ENTPD6: variants seen among roughly 807,000 people sequenced by gnomAD.
The protein encoded by ENTPD6 is CD39 antigen-like 2.
ENTPD6 carries 46 observed loss-of-function variants against 61.5 expected under a neutral mutation model. The ratio of observed to expected loss-of-function variants is 0.75; its 90% CI spans 0.59 to 0.96. ENTPD6 has a LOEUF of 0.96. ENTPD6 is among the 40% of genes least tolerant of loss of function. The pLI, the probability that ENTPD6 is intolerant of heterozygous loss-of-function variation, is 0.00. For missense variants in ENTPD6, 612 were observed against 629.0 expected, an observed-to-expected ratio of 0.97 and a Z score of 0.29; for synonymous variants, 252 against 255.5, an observed-to-expected ratio of 0.99 and a Z score of 0.13.
chr20:25,205,939 G>A (rs916573387), intron 1 of ENTPD6, among the ~76,000 whole-genome samples: 3 of 152,244 alleles, frequency 2.0e-5, no homozygotes, highest in South Asian at 2.1e-4. Flanking sequence ...AGGTCGCTGC[G>A]GGCTTGCTCC....
At chr20:25,206,655 C>T (rs2091523693) in intron 2 of ENTPD6, 65 bp downstream of exon 2, 1 of 1,175,698 alleles carries the variant, frequency 8.5e-7, no homozygotes, top group Non-Finnish European at 1.3e-6. Context: ...AAGTAAATTG[C>T]CTGAATAGAA....
At chr20:25,196,615 AG>A (rs1234859235) in intron 1 of ENTPD6, among the ~76,000 whole-genome samples, 1 of 152,190 alleles carries the variant, frequency 6.6e-6, no homozygotes, top group Non-Finnish European at 1.5e-5. Context: ...CCTGTATTCC[AG>A]CCTTACCTGC....
intron 1 of ENTPD6, among the ~76,000 whole-genome samples, chr20:25,198,960 C>G (rs1473484459): frequency 6.6e-6 from 1 of 152,218 alleles, no homozygotes; most frequent in Non-Finnish European, 1.5e-5. Flanking sequence ...CCCAGATGAC[C>G]TGTTTCAGTT....
At chr20:25,213,981 A>G (rs1344829255) in intron 5 of ENTPD6, among the ~76,000 whole-genome samples, 1 of 152,200 alleles carries the variant, frequency 6.6e-6, no homozygotes, top group African/African-American at 2.4e-5. Context: ...TGGTGCCTTC[A>G]AGGGACTTGA....
intron 5 of ENTPD6, among the ~76,000 whole-genome samples, chr20:25,214,076 C>T (rs1201206315): frequency 1.3e-5 from 2 of 152,226 alleles, no homozygotes; most frequent in East Asian, 3.8e-4. Flanking sequence ...CATCCTGCTC[C>T]TGGTCCGATG....
At position 25,200,916 on chromosome 20, in the gene ENTPD6, C is replaced by G. The variant is rs1347893031; in HGVS notation, c.-16+5049C>G. 3.9e-5 allele frequency among the ~76,000 whole-genome samples: 6 copies of G among 151,982 alleles called. No homozygotes were observed. In the South Asian group the frequency reaches 1.2e-3, roughly 32 times the overall value. ...AGGTGTACAGTTAGGTTGTTTGAGC[C>G]CTTTCTTCTTTTCTAAAGCAAGTGT... On this transcript the variant is annotated intron_variant, in intron 1 of 14. Transcript: ENST00000376652.
At chr20:25,209,070 C>A (rs1253115457) in intron 3 of ENTPD6, among the ~76,000 whole-genome samples, 35 of 150,662 alleles carry the variant, frequency 2.3e-4, no homozygotes, top group Admixed American at 2.1e-3. Context: ...ATGCCCATCA[C>A]CACACCTGGC....
Position 25,224,163 on chromosome 20 carries a change from T to G in ENTPD6, c.1243+6T>G. 6.2e-7 allele frequency: 1 copy of G among 1,610,702 alleles called. No homozygotes were observed. Among genetic ancestry groups the G allele is most frequent in the Non-Finnish European group, 8.5e-7 (1 of 1,178,436 alleles). Reference sequence around the variant, plus strand: ...CGAGATCGCAGCCAAGTACGGTGAGTGATGCTGCAGGGGCCATCTCAGCAG... The same window carrying G: ...CGAGATCGCAGCCAAGTACGGTGAGGGATGCTGCAGGGGCCATCTCAGCAG... On this transcript the variant is annotated splice_donor_region_variant and intron_variant, in intron 13 of 14. Coordinates refer to ENST00000376652, the MANE Select transcript of ENTPD6 (RefSeq NM_001247.5).
At chr20:25,206,855 G>A in intron 2 of ENTPD6, among the ~76,000 whole-genome samples, 1 of 152,204 alleles carries the variant, frequency 6.6e-6, no homozygotes, top group Non-Finnish European at 1.5e-5. Context: ...GTGCGACCTT[G>A]AGCAGGCTGT....
chr20:25,208,332 G>C (rs1439674952), intron 3 of ENTPD6, among the ~76,000 whole-genome samples: 6 of 152,208 alleles, frequency 3.9e-5, no homozygotes, highest in Non-Finnish European at 1.5e-5. Flanking sequence ...TGTAATCCCA[G>C]CTATGTGGGA....
chr20:25,208,142 G>T (rs1404018634), intron 3 of ENTPD6, among the ~76,000 whole-genome samples: 4 of 152,192 alleles, frequency 2.6e-5, no homozygotes, highest in Admixed American at 6.5e-5. Flanking sequence ...AACCTGTGGG[G>T]TAGACACCAT....
At position 25,227,142 on chromosome 20, in the gene ENTPD6, C is replaced by G. The variant is rs1190520461; in HGVS notation, c.*1545C>G. ...GCTTGTGCCTGAAGCCCCCCCCAAC[C>G]AACTGTCACAGGAGGACAGGATCTG... On this transcript the variant is annotated 3_prime_UTR_variant, in exon 15 of 15. Transcript: ENST00000376652. Among the ~76,000 whole-genome samples the G allele has an allele frequency of 6.6e-6, 1 of 152,252 alleles. No homozygotes were observed. The highest frequency in any genetic ancestry group is 1.5e-5 in the Non-Finnish European group (1 of 68,046).
intron 1 of ENTPD6, among the ~76,000 whole-genome samples, chr20:25,199,624 CT>C (rs1236313431): frequency 6.6e-6 from 1 of 152,224 alleles, no homozygotes; most frequent in Non-Finnish European, 1.5e-5. Flanking sequence ...GACTGAAACT[CT>C]TTACCCAATA....
At chr20:25,221,664 A>G (rs546510219) in intron 11 of ENTPD6, 10 of 401,560 alleles carry the variant, frequency 2.5e-5, no homozygotes, top group African/African-American at 1.4e-4. Flanking sequence ...GAGCCCAGGC[A>G]CTCTGTGCTG....
At position 25,225,672 on chromosome 20, in the gene ENTPD6, A is replaced by C; in HGVS notation, c.*75A>C. ...ACCCTCCTGTCCTGGACGTGACTTC[A>C]TCCTGAGGAGCCACAGCACAGGCCG... On this transcript the variant is annotated 3_prime_UTR_variant, in exon 15 of 15. Coordinates refer to ENST00000376652, the MANE Select transcript of ENTPD6 (RefSeq NM_001247.5). 7.9e-7 allele frequency: 1 copy of C among 1,269,958 alleles called. No individual in the cohort carries two copies. Among genetic ancestry groups the C allele is most frequent in the Non-Finnish European group, 1.1e-6 (1 of 891,900 alleles). The allele number at this position is 1,269,958 out of a possible 1,614,324, so 78.7% of individuals were successfully genotyped here.
At chr20:25,206,690 A>G in intron 2 of ENTPD6, 100 bp downstream of exon 2, 1 of 890,478 alleles carries the variant, frequency 1.1e-6, no homozygotes, top group Non-Finnish European at 1.9e-6. Context: ...TGAAAGACTG[A>G]ATCAGATACG....
intron 1 of ENTPD6, among the ~76,000 whole-genome samples, chr20:25,206,296 G>T (rs765804542): frequency 6.6e-6 from 1 of 152,234 alleles, no homozygotes; most frequent in Non-Finnish European, 1.5e-5. Context: ...GCTGATGGAC[G>T]TTCCCCAAGG....
chr20:25,196,243 T>G, intron 1 of ENTPD6: 1 of 1,108,724 alleles, frequency 9.0e-7, no homozygotes, highest in Non-Finnish European at 1.1e-6. Flanking sequence ...CGTAGCAGTT[T>G]CTGGGAAACA....
intron 3 of ENTPD6, among the ~76,000 whole-genome samples, chr20:25,209,237 G>A (rs1486569425): frequency 2.0e-5 from 3 of 151,914 alleles, no homozygotes; most frequent in African/African-American, 7.3e-5. Flanking sequence ...AGCCTCCCGA[G>A]TAGCTGGGAC....
Sources: allele counts gnomAD v4.1 joint callset (sites outside exome capture counted in the v4.1 genomes callset), GRCh38; gene constraint gnomAD v4.1.1; transcripts MANE v1.5; gene names NCBI Gene and HGNC (gene_info 2026-07-23, HGNC 2026-07-21).